Variants in TNKS2 observed in about 807,000 individuals in gnomAD.
TNKS2 encodes tankyrase 2, also known as poly [ADP-ribose] polymerase tankyrase-2.
TNKS2 carries 72 observed loss-of-function variants against 137.6 expected under a neutral mutation model. The observed-to-expected ratio is 0.52, with a 90% CI of 0.43 to 0.64. The LOEUF (loss-of-function observed/expected upper bound fraction) is 0.64, where lower values mean the gene tolerates loss of function less well. TNKS2 is among the 30% of genes least tolerant of loss of function. TNKS2 has a pLI of 0.00. For synonymous variants in TNKS2, 516 were observed against 512.1 expected (o/e 1.01, Z -0.10); for missense variants, 1,049 against 1,410.2 (o/e 0.74, Z 4.10).
rs1842903439 is a variant in TNKS2 at position 91,863,409 on chromosome 10, A to G, written c.*410A>G. On this transcript the variant is annotated 3_prime_UTR_variant, in exon 27 of 27. Coordinates refer to ENST00000371627, the MANE Select transcript of TNKS2 (RefSeq NM_025235.4). The stretch of plus-strand genomic sequence containing the variant: ...TTTCATTTGTAAAACTGTAAATAAG[A>G]GCTTTTGTACTAGCCCAGTATTTAT... The G allele has an allele frequency of 6.5e-6, 1 of 154,354 alleles. No homozygotes were observed. The highest frequency in any genetic ancestry group is 2.0e-4 in the South Asian group (1 of 4,888). 9.6% of individuals were successfully genotyped at this position (154,354 alleles called of 1,614,324 possible). A position where few individuals can be genotyped will look rare whatever the true frequency, so the allele number is the denominator to read the frequency against.
intron 2 of TNKS2, among the ~76,000 whole-genome samples, chr10:91,813,945 C>T (rs982873435): frequency 3.3e-5 from 5 of 152,042 alleles, no homozygotes; most frequent in Non-Finnish European, 5.9e-5. Flanking sequence ...AAATTATGTA[C>T]ACTACATGAT....
chr10:91,816,181 C>G (rs1159764773), intron 2 of TNKS2, among the ~76,000 whole-genome samples: 2 of 152,010 alleles, frequency 1.3e-5, no homozygotes, highest in African/African-American at 4.8e-5. Context: ...ATCTCCTGAC[C>G]TCATGATCTG....
intron 9 of TNKS2, among the ~76,000 whole-genome samples, chr10:91,830,262 C>T (rs371253617): frequency 2.6e-5 from 4 of 152,062 alleles, no homozygotes; most frequent in East Asian, 1.9e-4. Flanking sequence ...CTGTCGCCCA[C>T]GCTAGAGTGC....
chr10:91,813,170 T>C lies in TNKS2; in HGVS notation c.387T>C (p.His129=), dbSNP rs376748564. The C allele has an allele frequency of 1.2e-6, 2 of 1,614,178 alleles. No homozygotes were observed. The highest frequency in any genetic ancestry group is 1.7e-6 in the Non-Finnish European group (2 of 1,180,026). The change falls in exon 2 of 27, where the codon CAT becomes CAC. Residue 129 remains histidine (H), a synonymous_variant. Transcript: ENST00000371627. ...ARDNWNYTPL[H]EAAIKGKIDV... The stretch of plus-strand genomic sequence containing the variant: ...ATAATTGGAATTATACTCCTCTCCA[T>C]GAAGCTGCAATTAAAGGAAAGATTG...
chr10:91,862,976 C>G lies in TNKS2; in HGVS notation c.3478C>G (p.Pro1160Ala). ...EYLITYQIMR[P>A]EGMVDG ...TTTAATTACTTACCAGATTATGAGG[C>G]CTGAAGGTATGGTCGATGGATAAAT... The change falls in exon 27 of 27, where the codon CCT becomes GCT. Residue 1160 changes from proline to alanine, a missense_variant. Transcript: ENST00000371627. 1.2e-6 allele frequency: 2 copies of G among 1,605,786 alleles called. No homozygotes were observed. The highest frequency in any genetic ancestry group is 1.7e-6 in the Non-Finnish European group (2 of 1,174,462).
chr10:91,845,782 T>C lies in TNKS2; in HGVS notation c.2200T>C (p.Tyr734His). 1 of 1,590,078 alleles carries C rather than the reference T, an allele frequency of 6.3e-7. No individual in the cohort carries two copies. Among genetic ancestry groups the C allele is most frequent in the Non-Finnish European group, 8.6e-7 (1 of 1,162,932 alleles). ...AGATGTAGCAGCTCTACTAATAAAG[T>C]ATAATGCATGTGTCAATGCCACGGA... is the stretch of plus-strand genomic sequence containing the variant. Reference protein sequence around the residue: ...HVDVAALLIKYNACVNATDKW... With the variant: ...HVDVAALLIKHNACVNATDKW... The change falls in exon 18 of 27, where the codon TAT becomes CAT. Residue 734 changes from tyrosine (Y) to histidine (H), a missense_variant. This residue lies in a region of TNKS2 where 328 missense variants were observed against 436.0 expected (regional missense o/e 0.75). Coordinates refer to ENST00000371627, the MANE Select transcript of TNKS2 (RefSeq NM_025235.4).
chr10:91,844,007 T>G (rs1211372114), intron 16 of TNKS2, among the ~76,000 whole-genome samples: 1 of 152,224 alleles, frequency 6.6e-6, no homozygotes, highest in Admixed American at 6.5e-5. Context: ...TTACTTCCAC[T>G]GGCTATCAGG....
chr10:91,819,984 G>A lies in TNKS2; in HGVS notation c.679G>A (p.Val227Ile). 6.3e-7 allele frequency: 1 copy of A among 1,592,800 alleles called. No homozygotes were observed. The highest frequency in any genetic ancestry group is 8.5e-7 in the Non-Finnish European group (1 of 1,169,918). The change falls in exon 6 of 27, where the codon GTA (valine) becomes ATA (isoleucine). Residue 227 changes from valine (V) to isoleucine (I), a missense_variant. Val to Ile is a conservative substitution (Grantham distance 29). Coordinates refer to ENST00000371627, the MANE Select transcript of TNKS2 (RefSeq NM_025235.4). ...LAAGYNRVKI[V>I]QLLLQHGADV... ...AGCAGGATATAACAGAGTAAAGATT[G>A]TACAGCTGTTACTGCAACATGGAGC...
intron 6 of TNKS2, among the ~76,000 whole-genome samples, chr10:91,821,454 A>G (rs1240859569): frequency 2.0e-5 from 3 of 152,160 alleles, no homozygotes; most frequent in South Asian, 4.1e-4. Flanking sequence ...AAGGAAAGCC[A>G]TGAACCTTTA....
intron 6 of TNKS2, among the ~76,000 whole-genome samples, chr10:91,820,746 A>T (rs1479436581): frequency 6.6e-6 from 1 of 152,226 alleles, no homozygotes; most frequent in Non-Finnish European, 1.5e-5. Context: ...AAAAGCAGCA[A>T]TTAGGAAAGT....
intron 7 of TNKS2, among the ~76,000 whole-genome samples, chr10:91,822,627 G>A (rs999922066): frequency 3.6e-4 from 55 of 151,838 alleles, no homozygotes; most frequent in Admixed American, 6.6e-4. Context: ...GTGCAGTGGT[G>A]CAATCTTGGC....
At chr10:91,809,067 C>A (rs578217158) in intron 1 of TNKS2, among the ~76,000 whole-genome samples, 1 of 151,940 alleles carries the variant, frequency 6.6e-6, no homozygotes, top group African/African-American at 2.4e-5. Context: ...TTTTGATACT[C>A]CCAATCAAGA....
chr10:91,813,928 G>A (rs939208525), intron 2 of TNKS2, among the ~76,000 whole-genome samples: 1 of 152,118 alleles, frequency 6.6e-6, no homozygotes, highest in East Asian at 1.9e-4. Context: ...TAAACGTATA[G>A]CATATAAAAT....
chr10:91,800,915 T>C (rs1195401145), intron 1 of TNKS2, among the ~76,000 whole-genome samples: 1 of 152,216 alleles, frequency 6.6e-6, no homozygotes, highest in African/African-American at 2.4e-5. Flanking sequence ...TTATCAGTCA[T>C]GTTAATGTGC....
rs547169100 is a variant in TNKS2, at chr10:91,835,909, A to G, written c.1448-1010A>G. Among the ~76,000 whole-genome samples the G allele has an allele frequency of 9.2e-5, 14 of 151,684 alleles. No homozygotes were observed. In the East Asian group the frequency reaches 2.5e-3, roughly 27 times the overall value. On this transcript the variant is annotated intron_variant, in intron 12 of 26. Transcript: ENST00000371627. Reference sequence around the variant, plus strand: ...AGGCATGAGCCACCACGCCCAGCCAACCATGTCTCTTTTTTGTATGTGTGA... The same window carrying G: ...AGGCATGAGCCACCACGCCCAGCCAGCCATGTCTCTTTTTTGTATGTGTGA...
chr10:91,842,659 C>T (rs1358752271), intron 16 of TNKS2, among the ~76,000 whole-genome samples: 2 of 152,026 alleles, frequency 1.3e-5, no homozygotes, highest in Non-Finnish European at 2.9e-5. Context: ...CCTGTAGTCC[C>T]AGCTATTCAG....
intron 16 of TNKS2, among the ~76,000 whole-genome samples, chr10:91,842,899 GT>G (rs1303636389): frequency 3.3e-5 from 5 of 152,214 alleles, no homozygotes; most frequent in African/African-American, 1.2e-4. Context: ...TTACTAGTAT[GT>G]TACATTCAGT....
intron 14 of TNKS2, 48 bp from the exon 15 acceptor site, chr10:91,841,235 T>C: frequency 7.1e-7 from 1 of 1,416,876 alleles, no homozygotes; most frequent in Non-Finnish European, 9.4e-7. Context: ...ATTATTTAAA[T>C]TAAAACATGT....
At chr10:91,859,082 A>G (rs779112670) in intron 24 of TNKS2, among the ~76,000 whole-genome samples, 6 of 152,194 alleles carry the variant, frequency 3.9e-5, no homozygotes, top group Non-Finnish European at 5.9e-5. Context: ...GCACACAGGC[A>G]TAGGCATCAT....
Sources: gnomAD v4.1 joint callset for allele counts (sites outside exome capture counted in the v4.1 genomes callset) on GRCh38, gnomAD v4.1.1 for gene constraint, gnomAD v4.1.1 regional missense constraint, MANE v1.5 for transcripts, NCBI Gene and HGNC (gene_info 2026-07-23, HGNC 2026-07-21) for gene names.